PTPRN2: variants seen among roughly 807,000 people sequenced by gnomAD.
PTPRN2 encodes protein tyrosine phosphatase receptor type N2.
In PTPRN2, 74 loss-of-function variants were observed where a neutral mutation model predicts 118.8. The observed-to-expected ratio is 0.62, with a 90% confidence interval of 0.52 to 0.76. The LOEUF (loss-of-function observed/expected upper bound fraction) is 0.76, where lower values mean the gene tolerates loss of function less well. PTPRN2 is among the 30% of genes least tolerant of loss of function. The pLI is 0.00. For missense variants in PTPRN2, 1,481 were observed against 1,394.4 expected, an observed-to-expected ratio of 1.06 and a Z score of -0.99; for synonymous variants, 641 against 608.0, an observed-to-expected ratio of 1.05 and a Z score of -0.80.
chr7:158,034,487 G>A (rs940663257), intron 11 of PTPRN2, among the ~76,000 whole-genome samples: 1 of 152,198 alleles, frequency 6.6e-6, no homozygotes, highest in Non-Finnish European at 1.5e-5. Flanking sequence ...GAGTTTCCCT[G>A]CACTTTGCCT....
intron 13 of PTPRN2, among the ~76,000 whole-genome samples, chr7:157,668,916 T>G (rs529536600): frequency 2.7e-4 from 41 of 152,300 alleles, no homozygotes; most frequent in African/African-American, 9.6e-4. Flanking sequence ...TATAATCACC[T>G]CTCCCCGATC....
intron 10 of PTPRN2, among the ~76,000 whole-genome samples, chr7:158,100,581 G>A (rs118188523): frequency 6.6e-6 from 1 of 151,980 alleles, no homozygotes; most frequent in Non-Finnish European, 1.5e-5. Flanking sequence ...TTGATTTTTT[G>A]ATTATATCCA....
rs555341096 is a variant in PTPRN2 at position 158,243,145 on chromosome 7, G to T, written c.278-37872C>A. On this transcript the variant is annotated intron_variant, in intron 3 of 22. Transcript: ENST00000389418. ...CAAAATAAGCTAACCCAGGAAGCTG[G>T]AGTGAGAAGATTCCAGCTAGAAAGC... 1.3e-4 allele frequency among the ~76,000 whole-genome samples: 20 copies of T among 152,308 alleles called. No homozygotes were observed. In the South Asian group the frequency reaches 4.2e-3, roughly 32 times the overall value.
chr7:158,582,283 C>T (rs528764540), intron 1 of PTPRN2, among the ~76,000 whole-genome samples: 2 of 152,212 alleles, frequency 1.3e-5, no homozygotes, highest in South Asian at 4.1e-4. Context: ...TTTGCTTTCT[C>T]TGAGAAGTGG....
At chr7:158,329,848 AC>A (rs1470566940) in intron 2 of PTPRN2, among the ~76,000 whole-genome samples, 4 of 152,000 alleles carry the variant, frequency 2.6e-5, no homozygotes, top group Admixed American at 2.6e-4. Flanking sequence ...ACTCACTTTC[AC>A]TTTAGACTGT....
intron 12 of PTPRN2, among the ~76,000 whole-genome samples, chr7:157,817,515 CCAT>C (rs2151131293): frequency 6.6e-6 from 1 of 152,304 alleles, no homozygotes; most frequent in Non-Finnish European, 1.5e-5. Flanking sequence ...CCGTTTCATC[CCAT>C]CCAGTCCTCC....
At chr7:158,079,954 C>T (rs959519131) in intron 11 of PTPRN2, among the ~76,000 whole-genome samples, 5 of 152,176 alleles carry the variant, frequency 3.3e-5, no homozygotes, top group Admixed American at 2.6e-4. Flanking sequence ...ACTCAAGTCT[C>T]CACAAACCTT....
intron 9 of PTPRN2, among the ~76,000 whole-genome samples, chr7:158,118,404 A>G (rs1022566358): frequency 6.6e-6 from 1 of 152,256 alleles, no homozygotes; most frequent in Non-Finnish European, 1.5e-5. Flanking sequence ...CATAATACGT[A>G]CAAAAAGAAG....
rs566421751 is a variant in PTPRN2 at position 158,196,180 on chromosome 7, A to G, written c.381-3685T>C. On this transcript the variant is annotated intron_variant, in intron 4 of 22. Coordinates refer to ENST00000389418, the MANE Select transcript of PTPRN2 (RefSeq NM_002847.5). ...TTTTTTTGGATGGTTCTTTTCCCTC[A>G]TAGACACAAGGTCATCAGTCATCTA... is the stretch of plus-strand genomic sequence containing the variant. Among the ~76,000 whole-genome samples the G allele has an allele frequency of 3.3e-5, 5 of 152,344 alleles. No homozygotes were observed. The South Asian group carries it at 1.0e-3, about 32-fold the overall frequency.
At chr7:157,975,163 T>C (rs1802648250) in intron 11 of PTPRN2, among the ~76,000 whole-genome samples, 1 of 152,082 alleles carries the variant, frequency 6.6e-6, no homozygotes, top group African/African-American at 2.4e-5. Context: ...GGCCCCCCAG[T>C]TCCTGCCAAC....
At chr7:158,209,724 T>A (rs954310453) in intron 3 of PTPRN2, among the ~76,000 whole-genome samples, 30 of 152,204 alleles carry the variant, frequency 2.0e-4, no homozygotes, top group African/African-American at 6.5e-4. Context: ...AACATTTCAT[T>A]CAATGGCTAT....
rs1339266773 is a variant in PTPRN2, at chr7:157,893,064, G to A, written c.1788+5609C>T. ...AAATGTAAAATGGCCACGTGGAGAA[G>A]GATAATGCTCCAGGAGCTGGTCTCC... On this transcript the variant is annotated intron_variant, in intron 12 of 22. Transcript: ENST00000389418. The surrounding 1 kb of genome is among the most constrained non-coding windows in gnomAD (Gnocchi z 4.0). 1.3e-5 allele frequency among the ~76,000 whole-genome samples: 2 copies of A among 152,222 alleles called. No individual in the cohort carries two copies. The highest frequency in any genetic ancestry group is 4.8e-5 in the African/African-American group (2 of 41,446).
intron 3 of PTPRN2, among the ~76,000 whole-genome samples, chr7:158,304,118 T>C (rs1259571688): frequency 1.3e-5 from 2 of 149,620 alleles, no homozygotes; most frequent in African/African-American, 2.5e-5. Context: ...GATTTCTACA[T>C]GCTAGGGAGG....
chr7:157,726,708 GA>G (rs1799622942), intron 12 of PTPRN2, among the ~76,000 whole-genome samples: 1 of 152,158 alleles, frequency 6.6e-6, no homozygotes, highest in Admixed American at 6.5e-5. Flanking sequence ...TCCAGAGAGC[GA>G]AAAGACAACC....
chr7:158,052,337 G>A (rs981039850), intron 11 of PTPRN2, among the ~76,000 whole-genome samples: 2 of 152,250 alleles, frequency 1.3e-5, no homozygotes, highest in African/African-American at 4.8e-5. Context: ...AAATTGGATT[G>A]CGAAAGTTAA....
chr7:157,999,408 C>T (rs769312881), intron 11 of PTPRN2, among the ~76,000 whole-genome samples: 6 of 152,184 alleles, frequency 3.9e-5, no homozygotes, highest in Non-Finnish European at 7.3e-5. Context: ...CTCGTTTTCA[C>T]GTGCCACGGA....
chr7:157,642,221 C>A (rs1035275339), intron 14 of PTPRN2, among the ~76,000 whole-genome samples: 2 of 152,258 alleles, frequency 1.3e-5, no homozygotes, highest in African/African-American at 4.8e-5. Context: ...AGGAGCCAGA[C>A]TGCTGGCCTC....
At chr7:158,341,288 A>G (rs1310652898) in intron 2 of PTPRN2, among the ~76,000 whole-genome samples, 2 of 150,366 alleles carry the variant, frequency 1.3e-5, no homozygotes, top group African/African-American at 4.9e-5. Context: ...TCACCATAAG[A>G]GCCGACGCCC....
At chr7:158,034,483 C>G (rs908138680) in intron 11 of PTPRN2, among the ~76,000 whole-genome samples, 1 of 152,196 alleles carries the variant, frequency 6.6e-6, no homozygotes, top group Non-Finnish European at 1.5e-5. Flanking sequence ...GGGGGAGTTT[C>G]CCTGCACTTT....
Sources: allele counts gnomAD v4.1 joint callset (sites outside exome capture counted in the v4.1 genomes callset), GRCh38; gene constraint gnomAD v4.1.1; non-coding constraint Gnocchi (gnomAD v3.1); transcripts MANE v1.5; gene names NCBI Gene and HGNC (gene_info 2026-07-23, HGNC 2026-07-21).